DPP9: variants seen among roughly 807,000 people sequenced by gnomAD.
DPP9 encodes dipeptidyl peptidase IV-related protein-2.
Under a neutral mutation model 110.7 loss-of-function variants are expected in DPP9, and 50 were observed. The ratio of observed to expected loss-of-function variants is 0.45; its 90% CI spans 0.36 to 0.57. The LOEUF is 0.57. Among genes scored for constraint, DPP9 ranks in the 20% least tolerant of loss-of-function variants. DPP9 has a pLI of 0.00. For synonymous variants in DPP9, 561 were observed against 514.4 expected (o/e 1.09, Z -1.23); for missense variants, 1,022 against 1,217.9 (o/e 0.84, Z 2.39).
At chr19:4,713,814 C>T (rs943550423) in intron 4 of DPP9, among the ~76,000 whole-genome samples, 11 of 152,176 alleles carry the variant, frequency 7.2e-5, no homozygotes, top group Non-Finnish European at 1.2e-4. Context: ...GCTTGAGCCA[C>T]GGCATCCTGG....
chr19:4,713,389 G>A (rs1345689859), intron 4 of DPP9, among the ~76,000 whole-genome samples: 1 of 152,258 alleles, frequency 6.6e-6, no homozygotes, highest in African/African-American at 2.4e-5. Flanking sequence ...TGGAGGACAT[G>A]CAGCCTAACC....
rs532763624 is a variant in DPP9, at chr19:4,684,480, G to T, written c.2178+183C>A. 1 of 675,274 alleles carries T rather than the reference G, an allele frequency of 1.5e-6. No homozygotes were observed. Among genetic ancestry groups the T allele is most frequent in the African/African-American group, 1.8e-5 (1 of 55,138 alleles). 41.8% of individuals were successfully genotyped at this position (675,274 alleles called of 1,614,324 possible). A position where few individuals can be genotyped will look rare whatever the true frequency, so the allele number is the denominator to read the frequency against. ...TCCCTGCAGGGCGCAGCCCAGAGCT[G>T]AGCAGCAAAGCATACATCCCCTTTT... is the stretch of plus-strand genomic sequence containing the variant. On this transcript the variant is annotated intron_variant, in intron 18 of 21. Transcript: ENST00000262960. This position sits in a 1 kb window ranked among gnomAD's most constrained non-coding sequence, Gnocchi z 4.8.
chr19:4,683,299 G>A (rs2090186519), intron 19 of DPP9, 178 bp downstream of exon 19: 1 of 1,443,180 alleles, frequency 6.9e-7, no homozygotes, highest in Non-Finnish European at 9.1e-7. Flanking sequence ...GGGCAATGAG[G>A]AGGGGGGCTC....
rs1297178791 is a variant in DPP9, at chr19:4,695,408, C to T, written c.1323G>A (p.Val441=). ...TCCAGACGTTGGTGACCTCCTCGTA[C>T]ACCACATACGGCTGGACATTCCTGG... ...AVPRNVQPYV[V]YEEVTNVWIN... Residue 441 remains valine, a synonymous_variant, in exon 12 of 22, where the codon GTG becomes GTA. Transcript: ENST00000262960. This position sits in a 1 kb window ranked among gnomAD's most constrained non-coding sequence, Gnocchi z 4.7. The T allele has an allele frequency of 6.3e-6, 10 of 1,591,664 alleles. No individual in the cohort carries two copies. In the East Asian group the frequency reaches 2.3e-4, roughly 36 times the overall value.
At chr19:4,688,115 A>G (rs1007500317) in intron 16 of DPP9, among the ~76,000 whole-genome samples, 3 of 151,502 alleles carry the variant, frequency 2.0e-5, no homozygotes, top group Non-Finnish European at 2.9e-5. Flanking sequence ...TTTAATTTTT[A>G]ATTTTTTTTT....
chr19:4,703,024 C>T (rs1447885068), intron 7 of DPP9, among the ~76,000 whole-genome samples: 1 of 151,708 alleles, frequency 6.6e-6, no homozygotes, highest in Admixed American at 6.6e-5. Flanking sequence ...CCAGGAGCAC[C>T]CCCGCCCAAG....
rs562559312 is a variant in DPP9 at position 4,721,049 on chromosome 19, C to T, written c.-35-1108G>A. Among the ~76,000 whole-genome samples, 8 of 152,140 alleles carry T rather than the reference C, an allele frequency of 5.3e-5. No homozygotes were observed. The South Asian group carries it at 1.7e-3, about 32-fold the overall frequency. On this transcript the variant is annotated intron_variant, in intron 2 of 21. Transcript: ENST00000262960. ...GGAATCCCCTAACCCAGGGGTCTCA[C>T]CTGGGGATAACCGGCCCCCCCAGGG... is the stretch of plus-strand genomic sequence containing the variant.
rs1454454549 is a variant in DPP9, at chr19:4,676,845, A to C, written c.2587-189T>G. On this transcript the variant is annotated intron_variant, in intron 21 of 21. Transcript: ENST00000262960. This position sits in a 1 kb window ranked among gnomAD's most constrained non-coding sequence, Gnocchi z 4.0. ...CTGGGCCTCTCTAAAAAATGGGGTG[A>C]ATCCGGACCTCACAGTCTTTGGGAG... Among the ~76,000 whole-genome samples the C allele has an allele frequency of 2.0e-5, 3 of 152,198 alleles. No homozygotes were observed. The highest frequency in any genetic ancestry group is 2.0e-4 in the Admixed American group (3 of 15,280).
In DPP9 at chr19:4,693,720, G is replaced by A. The variant is rs77704753; in HGVS notation, c.1516+941C>T. ...GCAACCAGAGGAGTCATCTGAAACT[G>A]AGGTGAGGGTGACGACTTCCTATTT... On this transcript the variant is annotated intron_variant, in intron 13 of 21. Coordinates refer to ENST00000262960, the MANE Select transcript of DPP9 (RefSeq NM_139159.5). This position sits in a 1 kb window ranked among gnomAD's most constrained non-coding sequence, Gnocchi z 5.0. 0.017 allele frequency among the ~76,000 whole-genome samples: 2,548 copies of A among 152,174 alleles called. 69 individuals are homozygous for A. Among genetic ancestry groups the A allele is most frequent in the African/African-American group, 0.058 (2,428 of 41,526 alleles).
intron 4 of DPP9, 132 bp from the exon 5 acceptor site, chr19:4,706,102 C>T: frequency 1.4e-6 from 1 of 708,270 alleles, no homozygotes; most frequent in Non-Finnish European, 2.3e-6. Flanking sequence ...CGGGACAGCC[C>T]TCCCCGGAAA....
Position 4,689,663 on chromosome 19 carries a change from C to T in DPP9, c.1656G>A (p.Leu552=). 6.4e-7 allele frequency: 1 copy of T among 1,563,340 alleles called. No individual in the cohort carries two copies. Among genetic ancestry groups the T allele is most frequent in the South Asian group, 1.2e-5 (1 of 84,734 alleles). ...AGCTGACCACGTAGAGGTGGTGCTC[C>T]AGCGGCGTGTCCTTGGTGCCCTGGA... ...VYFQGTKDTP[L]EHHLYVVSYE... The change falls in exon 15 of 22, where the codon CTG becomes CTA. Residue 552 remains leucine, a synonymous_variant. Transcript: ENST00000262960. This position sits in a 1 kb window ranked among gnomAD's most constrained non-coding sequence, Gnocchi z 7.0.
intron 20 of DPP9, among the ~76,000 whole-genome samples, chr19:4,680,170 G>T: frequency 6.6e-6 from 1 of 150,982 alleles, no homozygotes; most frequent in South Asian, 2.1e-4. Flanking sequence ...CTCAGAGGCA[G>T]AGGTTGCAGT....
rs2092507472 is a variant in DPP9 at position 4,704,996 on chromosome 19, T to TA, written c.427-693_427-692insT. Among the ~76,000 whole-genome samples, 1 of 151,036 alleles carries TA rather than the reference T, an allele frequency of 6.6e-6. No homozygotes were observed. Among genetic ancestry groups the TA allele is most frequent in the African/African-American group, 2.4e-5 (1 of 41,018 alleles). On this transcript the variant is annotated intron_variant, in intron 5 of 21. Coordinates refer to ENST00000262960, the MANE Select transcript of DPP9 (RefSeq NM_139159.5). The surrounding 1 kb of genome is among the most constrained non-coding windows in gnomAD (Gnocchi z 6.0). ...CTGAGTGACAGAGTGAGACTTTGTC[T>TA]CAAAAAAAAAAGCAGAATCAAAAGC...
chr19:4,721,305 C>T (rs539154657), intron 2 of DPP9, among the ~76,000 whole-genome samples: 3 of 152,366 alleles, frequency 2.0e-5, no homozygotes, highest in Admixed American at 1.3e-4. Flanking sequence ...TATCCTGGTC[C>T]CAACAGATTG....
At chr19:4,696,400 G>A (rs1484073234) in intron 11 of DPP9, among the ~76,000 whole-genome samples, 1 of 150,570 alleles carries the variant, frequency 6.6e-6, no homozygotes, top group African/African-American at 2.5e-5. Flanking sequence ...TGGGCGGGTC[G>A]CTTGAGCCCA....
At chr19:4,709,264 A>G (rs2092724316) in intron 4 of DPP9, among the ~76,000 whole-genome samples, 1 of 151,968 alleles carries the variant, frequency 6.6e-6, no homozygotes, top group South Asian at 2.1e-4. Flanking sequence ...AGCAACTTCT[A>G]GTTGTGGCAA....
In DPP9 at chr19:4,718,157, C is replaced by T. The variant is rs1271721491; in HGVS notation, c.56+1694G>A. ...CTGGTCTCAAACTCCTGGGCTCCAG[C>T]GATCCTGCCACCTCGGTCTAGCAAA... On this transcript the variant is annotated intron_variant, in intron 3 of 21. Transcript: ENST00000262960. The surrounding 1 kb of genome is among the most constrained non-coding windows in gnomAD (Gnocchi z 4.3). Among the ~76,000 whole-genome samples the T allele has an allele frequency of 2.0e-5, 3 of 152,100 alleles. No individual in the cohort carries two copies. Among genetic ancestry groups the T allele is most frequent in the South Asian group, 2.1e-4 (1 of 4,832 alleles).
intron 21 of DPP9, among the ~76,000 whole-genome samples, chr19:4,677,168 G>A (rs1167831148): frequency 6.6e-6 from 1 of 152,114 alleles, no homozygotes; most frequent in Non-Finnish European, 1.5e-5. Flanking sequence ...AAGCCAAGAG[G>A]CAGGCAGTAA....
At chr19:4,715,791 T>G (rs2093048155) in intron 3 of DPP9, 1 of 152,038 alleles carries the variant, frequency 6.6e-6, no homozygotes, top group Non-Finnish European at 1.5e-5. Context: ...AATATCCCAC[T>G]CTCTCCTCCC....
Sources: gnomAD v4.1 joint callset for allele counts (sites outside exome capture counted in the v4.1 genomes callset) on GRCh38, gnomAD v4.1.1 for gene constraint, Gnocchi (gnomAD v3.1) non-coding constraint, MANE v1.5 for transcripts, NCBI Gene and HGNC (gene_info 2026-07-23, HGNC 2026-07-21) for gene names.